Variants in NME7 observed in about 807,000 individuals in gnomAD.
NME7 encodes nucleoside diphosphate kinase 7.
A neutral mutation model predicts 49.1 loss-of-function variants in NME7; 41 were observed. The ratio of observed to expected loss-of-function variants is 0.83; its 90% CI spans 0.65 to 1.08. NME7 has a LOEUF of 1.08. NME7 is among the 50% of genes least tolerant of loss of function. NME7 has a pLI of 0.00. For synonymous variants in NME7, 139 were observed against 150.6 expected, an observed-to-expected ratio of 0.92 and a Z score of 0.56; for missense variants, 423 against 463.4, an observed-to-expected ratio of 0.91 and a Z score of 0.80.
At chr1:169,342,537 TATATATAGTATATATATATATACAAGTAC>T (rs1571404847) in intron 1 of NME7, among the ~76,000 whole-genome samples, 2 of 127,082 alleles carry the variant, frequency 1.6e-5, no homozygotes, top group African/African-American at 2.8e-5. Context: ...TACAAGTACA[TATATATAGTATATATATATATACAAGTAC>T]ATATATATAG....
chr1:169,336,619 T>C (rs1378990375), intron 1 of NME7, among the ~76,000 whole-genome samples: 1 of 151,696 alleles, frequency 6.6e-6, no homozygotes, highest in African/African-American at 2.4e-5. Context: ...TGCTGATTGG[T>C]GTGTTTACAA....
At chr1:169,352,349 G>T (rs1653207545) in intron 1 of NME7, among the ~76,000 whole-genome samples, 1 of 152,008 alleles carries the variant, frequency 6.6e-6, no homozygotes, top group South Asian at 2.1e-4. Context: ...TTCCATTGAT[G>T]CCGAAAAAGC....
At chr1:169,268,305 G>C (rs1255427835) in intron 7 of NME7, among the ~76,000 whole-genome samples, 1 of 133,434 alleles carries the variant, frequency 7.5e-6, no homozygotes, top group Non-Finnish European at 1.8e-5. Context: ...CTGGTTAGGT[G>C]GTGGAGAAAA....
chr1:169,356,598 T>G (rs914093173), intron 1 of NME7, among the ~76,000 whole-genome samples: 1 of 152,208 alleles, frequency 6.6e-6, no homozygotes, highest in Non-Finnish European at 1.5e-5. Flanking sequence ...CAAATAATTC[T>G]GAATAGTCAC....
intron 1 of NME7, among the ~76,000 whole-genome samples, chr1:169,361,465 A>G (rs1044004775): frequency 3.4e-4 from 51 of 152,172 alleles, no homozygotes; most frequent in African/African-American, 1.2e-3. Context: ...TCAAGTAACA[A>G]AAGGAATTCT....
At chr1:169,143,463 C>T (rs1473229803) in intron 11 of NME7, among the ~76,000 whole-genome samples, 1 of 151,678 alleles carries the variant, frequency 6.6e-6, no homozygotes, top group Non-Finnish European at 1.5e-5. Flanking sequence ...TTCTTAATCC[C>T]CCATCTACAC....
intron 3 of NME7, among the ~76,000 whole-genome samples, chr1:169,317,501 A>C (rs2101929786): frequency 6.6e-6 from 1 of 152,338 alleles, no homozygotes; most frequent in African/African-American, 2.4e-5. Context: ...ATAAGTAAAG[A>C]TGAGAAAAAG....
chr1:169,287,443 A>G (rs778081873), intron 6 of NME7, 35 bp from the exon 7 acceptor site: 1 of 1,399,198 alleles, frequency 7.1e-7, no homozygotes, highest in Non-Finnish European at 9.7e-7. Flanking sequence ...GACAAATGTG[A>G]TCTCTTATCT....
At chr1:169,151,044 G>A (rs777243540) in intron 11 of NME7, among the ~76,000 whole-genome samples, 6 of 152,140 alleles carry the variant, frequency 3.9e-5, no homozygotes, top group South Asian at 2.1e-4. Flanking sequence ...CTCATGGGCC[G>A]CACAAAAACA....
At chr1:169,187,153 G>A (rs1213810680) in intron 10 of NME7, among the ~76,000 whole-genome samples, 1 of 152,078 alleles carries the variant, frequency 6.6e-6, no homozygotes. Context: ...TTCTGCATTT[G>A]CTGAGGAGTG....
chr1:169,313,324 G>T (rs1651486042), intron 3 of NME7, among the ~76,000 whole-genome samples: 2 of 151,894 alleles, frequency 1.3e-5, no homozygotes, highest in Non-Finnish European at 2.9e-5. Flanking sequence ...ATTGGGAAAG[G>T]GTAACAGAAC....
chr1:169,172,745 C>A (rs1333342309), intron 10 of NME7, among the ~76,000 whole-genome samples: 2 of 152,192 alleles, frequency 1.3e-5, no homozygotes, highest in Non-Finnish European at 2.9e-5. Context: ...GCCTTGAAAG[C>A]TTACACATCC....
At chr1:169,254,975 T>A (rs1158796369) in intron 7 of NME7, among the ~76,000 whole-genome samples, 1 of 134,594 alleles carries the variant, frequency 7.4e-6, no homozygotes, top group Admixed American at 7.4e-5. Context: ...AGGAGAGCTT[T>A]ACTTCCAACT....
intron 7 of NME7, among the ~76,000 whole-genome samples, chr1:169,270,864 C>A (rs140026538): frequency 7.5e-6 from 1 of 133,164 alleles, no homozygotes; most frequent in African/African-American, 2.5e-5. Flanking sequence ...AGTGGCAGAG[C>A]CAGAATTCAA....
Position 169,319,409 on chromosome 1 carries a change from T to C in NME7, c.278+3708A>G, listed in dbSNP as rs573461764. ...TTTAAAAAATTATCAATTAAGCAAA[T>C]GCTTGGAATTTTTGGGCTGTATTTA... On this transcript the variant is annotated intron_variant, in intron 3 of 11. Transcript: ENST00000367811. Among the ~76,000 whole-genome samples the C allele has an allele frequency of 1.5e-4, 23 of 152,340 alleles. No homozygotes were observed. The East Asian group carries it at 3.7e-3, about 24-fold the overall frequency.
intron 11 of NME7, among the ~76,000 whole-genome samples, chr1:169,150,272 AG>A (rs1658875928): frequency 6.6e-6 from 1 of 152,200 alleles, no homozygotes. Context: ...GTGCTCTATA[AG>A]ACAGCTGAGA....
At chr1:169,323,320 A>C (rs769861200) in intron 2 of NME7, 37 bp from the exon 3 acceptor site, 16 of 1,432,288 alleles carry the variant, frequency 1.1e-5, no homozygotes, top group Non-Finnish European at 1.5e-5. Flanking sequence ...AACAAACAAA[A>C]AAAGTTATGA....
chr1:169,153,902 C>T lies in NME7; in HGVS notation c.1098+15545G>A, dbSNP rs189172531. On this transcript the variant is annotated intron_variant, in intron 11 of 11. Coordinates refer to ENST00000367811, the MANE Select transcript of NME7 (RefSeq NM_013330.5). ...TTTTTATTTTTTGTAGAGACATCTC[C>T]CTCTGTTGCCCCGACTGGTCTTGAA... 2.0e-5 allele frequency among the ~76,000 whole-genome samples: 3 copies of T among 151,910 alleles called. No homozygotes were observed. In the East Asian group the frequency reaches 5.8e-4, roughly 29 times the overall value.
chr1:169,157,464 C>T (rs1659110971), intron 11 of NME7, among the ~76,000 whole-genome samples: 1 of 152,178 alleles, frequency 6.6e-6, no homozygotes, highest in South Asian at 2.1e-4. Flanking sequence ...AACCCAGGGC[C>T]TCTGCCCTTG....
Sources: gnomAD v4.1 joint callset for allele counts (sites outside exome capture counted in the v4.1 genomes callset) on GRCh38, gnomAD v4.1.1 for gene constraint, MANE v1.5 for transcripts, NCBI Gene and HGNC (gene_info 2026-07-23, HGNC 2026-07-21) for gene names.